MEGF6: variants seen among roughly 807,000 people sequenced by gnomAD.
The protein encoded by MEGF6 is multiple epidermal growth factor-like domains protein 6.
Under a neutral mutation model 207.1 loss-of-function variants are expected in MEGF6, and 184 were observed. The observed-to-expected ratio is 0.89, with a 90% CI of 0.79 to 1.00. The LOEUF (loss-of-function observed/expected upper bound fraction) is 1.00, where lower values mean the gene tolerates loss of function less well. MEGF6 is among the 50% of genes least tolerant of loss of function. The probability of loss-of-function intolerance (pLI) is 0.00; values close to 1 mark genes in which losing one functional copy is unlikely to be tolerated. For missense variants in MEGF6, 2,282 were observed against 2,202.9 expected (o/e 1.04, Z -0.72); for synonymous variants, 1,038 against 910.0 (o/e 1.14, Z -2.53).
intron 15 of MEGF6, among the ~76,000 whole-genome samples, chr1:3,505,776 A>C (rs1185036911): frequency 1.3e-5 from 2 of 152,164 alleles, no homozygotes; most frequent in Non-Finnish European, 2.9e-5. Flanking sequence ...GCTGCCAGGA[A>C]TCTCCAAAAG....
At chr1:3,580,015 A>T in intron 3 of MEGF6, 86 bp from the exon 4 acceptor site, 1 of 922,126 alleles carries the variant, frequency 1.1e-6, no homozygotes, top group Middle Eastern at 3.0e-4. Context: ...TCGGGCAGGC[A>T]GCCCACCCAG....
intron 4 of MEGF6, among the ~76,000 whole-genome samples, chr1:3,575,222 C>T (rs4648394): frequency 0.069 from 10,579 of 152,284 alleles, 434 homozygotes; most frequent in East Asian, 0.18. Flanking sequence ...GCCAGAGCAG[C>T]GCACACAGGT....
chr1:3,524,699 C>T (rs527877832), intron 4 of MEGF6, among the ~76,000 whole-genome samples: 5 of 152,192 alleles, frequency 3.3e-5, no homozygotes, highest in Non-Finnish European at 1.5e-5. Context: ...AAGGGGAGGG[C>T]GTGCTGGCTT....
At chr1:3,585,752 CAT>C (rs1260825954) in intron 3 of MEGF6, among the ~76,000 whole-genome samples, 4 of 124,536 alleles carry the variant, frequency 3.2e-5, no homozygotes, top group South Asian at 2.7e-4. Flanking sequence ...GTGAGTGACA[CAT>C]GTCCTGTGTG....
intron 5 of MEGF6, among the ~76,000 whole-genome samples, chr1:3,521,269 A>G (rs1641737081): frequency 6.6e-6 from 1 of 152,152 alleles, no homozygotes; most frequent in Non-Finnish European, 1.5e-5. Flanking sequence ...TGTGAACCAG[A>G]AGATGCCCCC....
At chr1:3,614,399 C>T (rs1296100815), upstream of MEGF6, among the ~76,000 whole-genome samples, 3 of 152,312 alleles carry the variant, frequency 2.0e-5, no homozygotes, top group Non-Finnish European at 2.9e-5. Context: ...ATCAGCCTGG[C>T]GTGTGTGTTT....
At position 3,579,828 on chromosome 1, in the gene MEGF6, A is replaced by G; in HGVS notation, c.478T>C (p.Tyr160His). 2 of 1,514,330 alleles carry G rather than the reference A, an allele frequency of 1.3e-6. No homozygotes were observed. Among genetic ancestry groups the G allele is most frequent in the Non-Finnish European group, 8.8e-7 (1 of 1,137,262 alleles). 93.8% of individuals were successfully genotyped at this position (1,514,330 alleles called of 1,614,324 possible). The change falls in exon 4 of 37, where the codon TAT becomes CAT. Residue 160 changes from tyrosine (Y) to histidine (H), a missense_variant. Physicochemically the swap from Tyr to His is moderately conservative, Grantham distance 83. Transcript: ENST00000356575. The stretch of plus-strand genomic sequence containing the variant: ...GTCCCCCAGGGGCTCCACTCACCAT[A>G]CTGACAGCGGGGTCCCTGGAAGCCG... ...PPGFQGPRCQ[Y>H]DVDECRTHNG... is the part of the protein sequence containing the mutation.
chr1:3,591,299 AG>A (rs1243957039), intron 3 of MEGF6, among the ~76,000 whole-genome samples: 1 of 152,154 alleles, frequency 6.6e-6, no homozygotes, highest in Non-Finnish European at 1.5e-5. Context: ...ACCACCGAGC[AG>A]GGGGTAAGGC....
intron 17 of MEGF6, among the ~76,000 whole-genome samples, chr1:3,502,899 C>G (rs1640961384): frequency 6.6e-6 from 1 of 152,200 alleles, no homozygotes; most frequent in Non-Finnish European, 1.5e-5. Flanking sequence ...CCTGCCTCCC[C>G]CAGCGAGGCG....
At chr1:3,602,423 G>C in intron 2 of MEGF6, 43 bp downstream of exon 2, 1 of 1,612,378 alleles carries the variant, frequency 6.2e-7, no homozygotes, top group Non-Finnish European at 8.5e-7. Context: ...GCCGCCCTTT[G>C]TGTGAATGGA....
Position 3,535,834 on chromosome 1 carries a change from TG to T in MEGF6, c.482-11589del, listed in dbSNP as rs560507754. ...ACTCTCCCCCAAATCCTGTCCTCAC[TG>T]GGCCACCTCCTTCGGGTTCCTCCAG... On this transcript the variant is annotated intron_variant, in intron 4 of 36. Coordinates refer to ENST00000356575, the MANE Select transcript of MEGF6 (RefSeq NM_001409.4). Among the ~76,000 whole-genome samples, 10 of 152,320 alleles carry T rather than the reference TG, an allele frequency of 6.6e-5. No individual in the cohort carries two copies. The East Asian group carries it at 1.9e-3, about 29-fold the overall frequency.
intron 17 of MEGF6, 32 bp from the exon 18 acceptor site, chr1:3,501,953 C>T (rs753815572): frequency 1.4e-6 from 2 of 1,406,358 alleles, no homozygotes; most frequent in East Asian, 4.0e-5. Flanking sequence ...GCCTTAGCCG[C>T]ACCACGTGGA....
At chr1:3,495,728 G>A (rs757410507) in intron 30 of MEGF6, among the ~76,000 whole-genome samples, 162 bp downstream of exon 30, 1 of 152,232 alleles carries the variant, frequency 6.6e-6, no homozygotes, top group Non-Finnish European at 1.5e-5. Flanking sequence ...GTCAACACAA[G>A]CTACAGCACT....
intron 9 of MEGF6, 22 bp downstream of exon 9, chr1:3,511,528 T>A: frequency 6.3e-7 from 1 of 1,590,912 alleles, no homozygotes; most frequent in Non-Finnish European, 8.6e-7. Flanking sequence ...GGTGCAGGCA[T>A]CTGGGAGGAG....
At chr1:3,570,625 GCAGA>G (rs1643468979) in intron 4 of MEGF6, among the ~76,000 whole-genome samples, 1 of 152,170 alleles carries the variant, frequency 6.6e-6, no homozygotes, top group Non-Finnish European at 1.5e-5. Context: ...GCCCTGCTCA[GCAGA>G]CAACCACTGC....
intron 14 of MEGF6, among the ~76,000 whole-genome samples, chr1:3,506,997 C>G (rs2101008668): frequency 6.6e-6 from 1 of 152,320 alleles, no homozygotes; most frequent in South Asian, 2.1e-4. Context: ...GTGCAGCACC[C>G]AGGAATGAAT....
chr1:3,609,452 T>C (rs1289634340), intron 1 of MEGF6, among the ~76,000 whole-genome samples: 1 of 152,130 alleles, frequency 6.6e-6, no homozygotes, highest in Non-Finnish European at 1.5e-5. Context: ...GAACTCAGAC[T>C]CTCGCTGGTG....
Position 3,494,462 on chromosome 1 carries a change from C to T in MEGF6, c.4038G>A (p.Leu1346=). The T allele has an allele frequency of 6.3e-7, 1 of 1,579,008 alleles. No individual in the cohort carries two copies. The highest frequency in any genetic ancestry group is 8.6e-7 in the Non-Finnish European group (1 of 1,166,856). The change falls in exon 32 of 37, where the codon CTG becomes CTA. Residue 1346 remains leucine (L), a synonymous_variant. Coordinates refer to ENST00000356575, the MANE Select transcript of MEGF6 (RefSeq NM_001409.4). ...TGCTGTTGTTGTGGCAGGAGCACTC[C>T]AGATGGCAGGCGGCTCCGTAGCGCC... ...PPGRYGAACH[L]ECSCHNNSTC... is the part of the protein sequence containing the mutation.
chr1:3,519,689 C>G (rs1348000332), intron 5 of MEGF6, among the ~76,000 whole-genome samples: 2 of 152,226 alleles, frequency 1.3e-5, no homozygotes, highest in Non-Finnish European at 2.9e-5. Flanking sequence ...AGGCGGCGGT[C>G]AGAGGGCAGC....
Sources: allele counts gnomAD v4.1 joint callset (sites outside exome capture counted in the v4.1 genomes callset), GRCh38; gene constraint gnomAD v4.1.1; transcripts MANE v1.5; gene names NCBI Gene and HGNC (gene_info 2026-07-23, HGNC 2026-07-21).